Variants in AHCTF1 observed in about 807,000 individuals in gnomAD.
AHCTF1 encodes protein ELYS.
Under a neutral mutation model 248.4 loss-of-function variants are expected in AHCTF1, and 24 were observed. The observed-to-expected ratio is 0.10, with a 90% CI of 0.07 to 0.14. AHCTF1 has a LOEUF of 0.14. Among genes scored for constraint, AHCTF1 ranks in the 10% least tolerant of loss-of-function variants. The pLI is 1.00. For missense variants in AHCTF1, 2,206 were observed against 2,636.2 expected (o/e 0.84, Z 3.57); for synonymous variants, 786 against 929.8 (o/e 0.85, Z 2.81).
At position 246,850,344 on chromosome 1, in the gene AHCTF1, T is replaced by C. The variant is rs1660614978; in HGVS notation, c.5662A>G (p.Ile1888Val). 6.2e-7 allele frequency: 1 copy of C among 1,613,536 alleles called. No homozygotes were observed. Residue 1888 changes from isoleucine (I) to valine (V), a missense_variant, in exon 33 of 36, where the codon ATA (isoleucine) becomes GTA (valine). Physicochemically the swap from Ile to Val is conservative, Grantham distance 29 (BLOSUM62 3). Around this residue, in one of 6 missense-constraint regions of AHCTF1, gnomAD observed 469 missense variants for 470.0 expected, o/e 1.00. Transcript: ENST00000648844. ...SVENQESVEI[I>V]NDLKVSTVTS... is the part of the protein sequence containing the mutation. ...ACCGTACTAACTTTTAGATCATTTA[T>C]AATTTCAACACTTTCCTGATTTTCT... is the stretch of plus-strand genomic sequence containing the variant.
chr1:246,890,064 AT>A lies in AHCTF1; in HGVS notation c.2051-6del. On this transcript the variant is annotated splice_region_variant and splice_polypyrimidine_tract_variant and intron_variant, in intron 16 of 35. Transcript: ENST00000648844. ...TTGACAACTGCACAGAATCATCTAG[AT>A]TTTTAAGAGTTGGAAAAAAAGCTGG... The A allele has an allele frequency of 6.2e-7, 1 of 1,602,948 alleles. No individual in the cohort carries two copies. Among genetic ancestry groups the A allele is most frequent in the South Asian group, 1.1e-5 (1 of 89,590 alleles).
intron 1 of AHCTF1, among the ~76,000 whole-genome samples, chr1:246,927,071 G>A (rs550297891): frequency 6.6e-5 from 10 of 151,952 alleles, no homozygotes; most frequent in Admixed American, 3.9e-4. Context: ...CCAGGTACCC[G>A]GGAGGCTGAG....
At chr1:246,860,115 C>T (rs1249335639) in intron 29 of AHCTF1, among the ~76,000 whole-genome samples, 1 of 151,746 alleles carries the variant, frequency 6.6e-6, no homozygotes, top group African/African-American at 2.4e-5. Flanking sequence ...CAAAAATTAG[C>T]CAGTCATGGT....
At position 246,839,476 on chromosome 1, in the gene AHCTF1, A is replaced by T. The variant is rs891029683; in HGVS notation, c.*1330T>A. The T allele has an allele frequency of 1.1e-5, 10 of 940,058 alleles. No homozygotes were observed. In the African/African-American group the frequency reaches 1.6e-4, roughly 15 times the overall value. 58.2% of individuals were successfully genotyped at this position (940,058 alleles called of 1,614,324 possible). ...TTTGATAACTATCATTAAAAAAGTA[A>T]TAAAATCAAAGTCAGTGAAATTTTC... On this transcript the variant is annotated 3_prime_UTR_variant, in exon 36 of 36. Transcript: ENST00000648844.
chr1:246,931,114 G>T lies in AHCTF1; in HGVS notation c.-8+464C>A, dbSNP rs1178124170. On this transcript the variant is annotated intron_variant, in intron 1 of 35. Coordinates refer to ENST00000648844, the MANE Select transcript of AHCTF1 (RefSeq NM_001323342.2). ...GAGCCCCGAGTCCAACTTCTTCCCC[G>T]CCAGGACTACTCACTGTGGCCAGGC... 1.1e-5 allele frequency: 17 copies of T among 1,548,220 alleles called. 1 individual carries two copies. In the South Asian group the frequency reaches 1.9e-4, roughly 17 times the overall value.
intron 7 of AHCTF1, among the ~76,000 whole-genome samples, chr1:246,903,426 A>G (rs1665143437): frequency 6.6e-6 from 1 of 152,230 alleles, no homozygotes; most frequent in Non-Finnish European, 1.5e-5. Context: ...TTGTAGAGGA[A>G]AACGGTATCT....
intron 1 of AHCTF1, among the ~76,000 whole-genome samples, chr1:246,927,494 A>G (rs1447369277): frequency 2.0e-5 from 3 of 152,254 alleles, no homozygotes; most frequent in Non-Finnish European, 4.4e-5. Flanking sequence ...CTCAAAAAGA[A>G]AAACTATATT....
intron 8 of AHCTF1, among the ~76,000 whole-genome samples, chr1:246,900,945 T>C (rs977280318): frequency 9.2e-5 from 14 of 152,080 alleles, no homozygotes; most frequent in African/African-American, 2.9e-4. Context: ...GGATGGTGCC[T>C]GTGGAATGGA....
At chr1:246,903,661 C>A (rs985224793) in intron 7 of AHCTF1, among the ~76,000 whole-genome samples, 23 of 120,802 alleles carry the variant, frequency 1.9e-4, no homozygotes, top group East Asian at 5.2e-4. Context: ...GACCCCCCCC[C>A]CTCCGTCTCT....
chr1:246,851,394 T>C lies in AHCTF1; in HGVS notation c.4612A>G (p.Arg1538Gly), dbSNP rs754132668. ...LEAQDSGEEA[R>G]NLSFNELYPS... ...TATAACTCATTAAATGAAAGATTCC[T>C]AGCCTCTTCTCCTGAATCTTGAGCT... is the stretch of plus-strand genomic sequence containing the variant. Residue 1538 changes from arginine to glycine, a missense_variant, in exon 33 of 36, where the codon AGG becomes GGG. Physicochemically the swap from Arg to Gly is moderately radical, Grantham distance 125. This residue lies in a region of AHCTF1 where 955 missense variants were observed against 1,055.6 expected (regional missense o/e 0.90). Transcript: ENST00000648844. 1.1e-5 allele frequency: 17 copies of C among 1,613,392 alleles called. No homozygotes were observed. The highest frequency in any genetic ancestry group is 2.7e-5 in the African/African-American group (2 of 75,040).
Position 246,909,613 on chromosome 1 carries a change from A to G in AHCTF1, c.557-1855T>C, listed in dbSNP as rs77279727. Among the ~76,000 whole-genome samples, 3 of 152,284 alleles carry G rather than the reference A, an allele frequency of 2.0e-5. No homozygotes were observed. In the East Asian group the frequency reaches 5.8e-4, roughly 29 times the overall value. On this transcript the variant is annotated intron_variant, in intron 4 of 35. Transcript: ENST00000648844. The stretch of plus-strand genomic sequence containing the variant: ...ATTTGACTTAACAGCCTCAAAGCAC[A>G]AGAGTGGTCATGCTGGCAATTCAGA...
At chr1:246,922,849 G>A (rs916328851) in intron 1 of AHCTF1, among the ~76,000 whole-genome samples, 5 of 151,064 alleles carry the variant, frequency 3.3e-5, no homozygotes, top group Admixed American at 1.3e-4. Flanking sequence ...CGGGCGTGGT[G>A]GCAGGCGCCT....
chr1:246,869,070 T>C (rs1352556701), intron 24 of AHCTF1, among the ~76,000 whole-genome samples: 1 of 151,552 alleles, frequency 6.6e-6, no homozygotes, highest in Non-Finnish European at 1.5e-5. Flanking sequence ...GGTCTCGATC[T>C]CCTGACCTCG....
chr1:246,874,622 T>C (rs1484566271), intron 24 of AHCTF1, among the ~76,000 whole-genome samples: 1 of 152,146 alleles, frequency 6.6e-6, no homozygotes, highest in African/African-American at 2.4e-5. Context: ...TAACATTAAC[T>C]TATCCCTACG....
In AHCTF1 at chr1:246,843,828, G is replaced by A; in HGVS notation, c.6492C>T (p.Asn2164=). The change falls in exon 34 of 36, where the codon AAC becomes AAT. Residue 2164 remains asparagine, a synonymous_variant. Transcript: ENST00000648844. ...CTTCAAGCTTGTTCTTATTGGATGT[G>A]TTTTTTTGTCTGCTCCTTAAAGCAG... The part of the protein sequence containing the change: ...SPPALRSRQK[N]TSNKNKLEDE... The A allele has an allele frequency of 6.7e-7, 1 of 1,485,636 alleles. No homozygotes were observed. The highest frequency in any genetic ancestry group is 9.0e-7 in the Non-Finnish European group (1 of 1,117,170). The allele number at this position is 1,485,636 out of a possible 1,614,324, so 92.0% of individuals were successfully genotyped here. A position where few individuals can be genotyped will look rare whatever the true frequency, so the allele number is the denominator to read the frequency against.
intron 27 of AHCTF1, among the ~76,000 whole-genome samples, chr1:246,863,040 A>T (rs1661690007): frequency 6.6e-6 from 1 of 152,244 alleles, no homozygotes. Context: ...CTATTCTGGC[A>T]GCAGGTATAA....
At chr1:246,876,759 G>A (rs1266192797) in intron 23 of AHCTF1, among the ~76,000 whole-genome samples, 191 bp downstream of exon 23, 4 of 152,132 alleles carry the variant, frequency 2.6e-5, no homozygotes, top group Non-Finnish European at 5.9e-5. Flanking sequence ...AACATAAATG[G>A]CATACGTAAA....
intron 1 of AHCTF1, among the ~76,000 whole-genome samples, chr1:246,919,026 T>C (rs1666340981): frequency 6.6e-6 from 1 of 152,214 alleles, no homozygotes; most frequent in Non-Finnish European, 1.5e-5. Flanking sequence ...AATATAGGCA[T>C]AAAGTTGTCT....
Position 246,855,736 on chromosome 1 carries a change from T to C in AHCTF1, c.4348A>G (p.Asn1450Asp), listed in dbSNP as rs1241760760. The C allele has an allele frequency of 6.2e-7, 1 of 1,609,106 alleles. No individual in the cohort carries two copies. The highest frequency in any genetic ancestry group is 1.1e-5 in the South Asian group (1 of 90,288). Residue 1450 changes from asparagine to aspartate, a missense_variant, in exon 31 of 36, where the codon AAT (asparagine) becomes GAT (aspartate). Physicochemically the swap from Asn to Asp is conservative, Grantham distance 23. Coordinates refer to ENST00000648844, the MANE Select transcript of AHCTF1 (RefSeq NM_001323342.2). ...TCAAAATTATTATACATACATTTAT[T>C]GTCATTTGCTCTAATTGCAGGGGTG... ...TYTPAIRANDNKSMADVLGDG... is the reference protein window; with the variant it reads ...TYTPAIRANDDKSMADVLGDG...
Sources: gnomAD v4.1 joint callset for allele counts (sites outside exome capture counted in the v4.1 genomes callset) on GRCh38, gnomAD v4.1.1 for gene constraint, gnomAD v4.1.1 regional missense constraint, MANE v1.5 for transcripts, NCBI Gene and HGNC (gene_info 2026-07-23, HGNC 2026-07-21) for gene names.